OLFM3: variants seen among roughly 807,000 people sequenced by gnomAD.
OLFM3 encodes noelin-3.
In OLFM3, 20 loss-of-function variants were observed where a neutral mutation model predicts 48.6. The observed-to-expected ratio is 0.41, with a 90% CI of 0.29 to 0.60. The LOEUF is 0.60. Among genes scored for constraint, OLFM3 ranks in the 20% least tolerant of loss-of-function variants. The pLI, the probability that OLFM3 is intolerant of heterozygous loss-of-function variation, is 0.28. For synonymous variants in OLFM3, 222 were observed against 198.1 expected (o/e 1.12, Z -1.01); for missense variants, 437 against 544.3 (o/e 0.80, Z 1.96).
At chr1:101,967,967 A>G (rs143397287) in intron 1 of OLFM3, among the ~76,000 whole-genome samples, 2 of 152,288 alleles carry the variant, frequency 1.3e-5, no homozygotes, top group Non-Finnish European at 2.9e-5. Flanking sequence ...TGGATCAAAC[A>G]TACGAAGAAA....
intron 1 of OLFM3, among the ~76,000 whole-genome samples, chr1:101,968,089 C>G (rs1660669501): frequency 6.6e-6 from 1 of 152,164 alleles, no homozygotes; most frequent in African/African-American, 2.4e-5. Flanking sequence ...AACAAGGCAG[C>G]TGAGGCAACA....
intron 1 of OLFM3, among the ~76,000 whole-genome samples, chr1:101,996,238 T>G (rs1324398730): frequency 6.6e-6 from 1 of 152,316 alleles, no homozygotes; most frequent in East Asian, 1.9e-4. Context: ...ATAGCTCTGC[T>G]GCTCTGCCAT....
chr1:101,957,728 AAG>A (rs1229559246), intron 1 of OLFM3, among the ~76,000 whole-genome samples: 10 of 152,082 alleles, frequency 6.6e-5, no homozygotes, highest in African/African-American at 2.4e-4. Flanking sequence ...ATTAGGAAGT[AAG>A]AGAGTAACAG....
At chr1:101,805,984 A>G (rs1244232400) in intron 5 of OLFM3, 92 bp downstream of exon 5, 25 of 859,800 alleles carry the variant, frequency 2.9e-5, no homozygotes, top group Non-Finnish European at 3.9e-5. Context: ...TCAAGTACAA[A>G]CAAATATCCC....
chr1:101,945,786 A>G (rs1235136482), intron 1 of OLFM3, among the ~76,000 whole-genome samples: 1 of 152,158 alleles, frequency 6.6e-6, no homozygotes, highest in Non-Finnish European at 1.5e-5. Flanking sequence ...CTTCTATAGT[A>G]AAAGAAATGT....
chr1:101,964,514 T>A (rs1570672019), intron 1 of OLFM3, among the ~76,000 whole-genome samples: 1 of 152,328 alleles, frequency 6.6e-6, no homozygotes, highest in South Asian at 2.1e-4. Context: ...TATTCAGCAA[T>A]AAAGCCTCGT....
Position 101,896,643 on chromosome 1 carries a change from G to A in OLFM3, c.70-59618C>T, listed in dbSNP as rs986598346. ...CCCAGTAGCTGGGACTACAGGCGCC[G>A]GCCACCACGCCCGGCTGATTTTTTG... On this transcript the variant is annotated intron_variant, in intron 1 of 5. Transcript: ENST00000370103. Among the ~76,000 whole-genome samples the A allele has an allele frequency of 2.0e-5, 3 of 148,588 alleles. No homozygotes were observed. In the East Asian group the frequency reaches 5.9e-4, roughly 29 times the overall value.
At chr1:101,860,756 G>A (rs1656620712) in intron 1 of OLFM3, among the ~76,000 whole-genome samples, 1 of 151,996 alleles carries the variant, frequency 6.6e-6, no homozygotes, top group Admixed American at 6.5e-5. Context: ...AAAATCAGTG[G>A]CTCAAGAAGG....
intron 1 of OLFM3, among the ~76,000 whole-genome samples, chr1:101,874,489 A>T (rs1657215829): frequency 1.5e-5 from 2 of 130,568 alleles, no homozygotes; most frequent in Admixed American, 1.5e-4. Flanking sequence ...AATTCTAATA[A>T]TATAATAATA....
intron 1 of OLFM3, among the ~76,000 whole-genome samples, chr1:101,945,514 T>C (rs906361500): frequency 2.6e-5 from 4 of 152,088 alleles, no homozygotes; most frequent in East Asian, 1.9e-4. Context: ...TAGGAAGAAA[T>C]GGGAGGAAGA....
intron 1 of OLFM3, among the ~76,000 whole-genome samples, chr1:101,846,019 AATT>A (rs753630711): frequency 6.6e-6 from 1 of 152,192 alleles, no homozygotes; most frequent in East Asian, 1.9e-4. Context: ...AGGGCAGAGG[AATT>A]ATTTTCTAAG....
chr1:101,918,604 T>C (rs1456024849), intron 1 of OLFM3, among the ~76,000 whole-genome samples: 1 of 151,838 alleles, frequency 6.6e-6, no homozygotes, highest in East Asian at 1.9e-4. Flanking sequence ...TCCATTACAT[T>C]AATCCCACTC....
chr1:101,839,058 G>T (rs541253941), intron 1 of OLFM3, among the ~76,000 whole-genome samples: 1 of 152,246 alleles, frequency 6.6e-6, no homozygotes, highest in East Asian at 1.9e-4. Flanking sequence ...ATAAACTCAA[G>T]AAACTCATGA....
intron 1 of OLFM3, among the ~76,000 whole-genome samples, chr1:101,956,083 C>A (rs1660280387): frequency 1.1e-5 from 1 of 87,622 alleles, no homozygotes; most frequent in African/African-American, 6.4e-5. Context: ...AACACAATAA[C>A]AGGTTTTTTT....
Position 101,805,582 on chromosome 1 carries a change from C to T in OLFM3, c.699+494G>A, listed in dbSNP as rs1653731334. Among the ~76,000 whole-genome samples the T allele has an allele frequency of 2.6e-5, 4 of 151,876 alleles. No homozygotes were observed. The South Asian group carries it at 8.3e-4, about 31-fold the overall frequency. On this transcript the variant is annotated intron_variant, in intron 5 of 5. Transcript: ENST00000370103. ...ATTGTCAACTTATGAAAATACCTCC[C>T]AGAAGTTTCAGCGCTATTTCTTTTA...
intron 1 of OLFM3, among the ~76,000 whole-genome samples, chr1:101,871,974 C>T (rs768304033): frequency 6.6e-6 from 1 of 152,002 alleles, no homozygotes; most frequent in East Asian, 1.9e-4. Flanking sequence ...ACAAAGTCAG[C>T]TACTCACTTT....
At chr1:101,847,520 T>A (rs1346225052) in intron 1 of OLFM3, among the ~76,000 whole-genome samples, 1 of 125,622 alleles carries the variant, frequency 8.0e-6, no homozygotes, top group African/African-American at 3.1e-5. Context: ...ATATTGAGAG[T>A]AGGAGATAAT....
intron 1 of OLFM3, among the ~76,000 whole-genome samples, chr1:101,987,564 G>A (rs1016056875): frequency 6.6e-6 from 1 of 152,026 alleles, no homozygotes; most frequent in Non-Finnish European, 1.5e-5. Flanking sequence ...AATAATTCCC[G>A]ATGCAGCCGT....
chr1:101,989,207 C>A (rs1661331264), intron 1 of OLFM3, among the ~76,000 whole-genome samples: 1 of 152,054 alleles, frequency 6.6e-6, no homozygotes, highest in African/African-American at 2.4e-5. Context: ...ACAGCATCTG[C>A]AATCTTCTCT....
Sources: gnomAD v4.1 joint callset for allele counts (sites outside exome capture counted in the v4.1 genomes callset) on GRCh38, gnomAD v4.1.1 for gene constraint, MANE v1.5 for transcripts, NCBI Gene and HGNC (gene_info 2026-07-23, HGNC 2026-07-21) for gene names.